The following DNAH14 variants were observed in gnomAD, a reference collection of about 807,000 sequenced individuals.
The protein encoded by DNAH14 is axonemal beta dynein heavy chain 14.
In DNAH14, 478 loss-of-function variants were observed where a neutral mutation model predicts 520.9. The observed-to-expected ratio is 0.92, with a 90% CI of 0.85 to 0.99. DNAH14 has a LOEUF of 0.99. Among genes scored for constraint, DNAH14 ranks in the 50% least tolerant of loss-of-function variants. DNAH14 has a pLI of 0.00. For missense variants in DNAH14, 4,831 were observed against 5,234.5 expected, an observed-to-expected ratio of 0.92 and a Z score of 2.38; for synonymous variants, 1,581 against 1,757.2, an observed-to-expected ratio of 0.90 and a Z score of 2.51.
At chr1:225,130,341 A>G (rs2078255170) in intron 27 of DNAH14, among the ~76,000 whole-genome samples, 1 of 152,134 alleles carries the variant, frequency 6.6e-6, no homozygotes. Context: ...AGGACTATAA[A>G]TCATGCTGCT....
At chr1:225,073,528 C>T (rs2071809015) in intron 17 of DNAH14, among the ~76,000 whole-genome samples, 2 of 152,180 alleles carry the variant, frequency 1.3e-5, no homozygotes, top group Non-Finnish European at 2.9e-5. Flanking sequence ...ACCTCTGCCC[C>T]TGGTCAGCTT....
intron 17 of DNAH14, among the ~76,000 whole-genome samples, chr1:225,062,520 G>A (rs1201591179): frequency 1.3e-5 from 2 of 148,298 alleles, no homozygotes; most frequent in African/African-American, 4.9e-5. Context: ...AATTTTTAGG[G>A]CAGAGTCCTA....
At chr1:225,325,824 T>C (rs978727547) in intron 64 of DNAH14, among the ~76,000 whole-genome samples, 1 of 152,172 alleles carries the variant, frequency 6.6e-6, no homozygotes, top group Non-Finnish European at 1.5e-5. Context: ...TTCTGTCTTT[T>C]CCTGAAAACT....
At chr1:225,172,626 A>G (rs2082833814) in intron 36 of DNAH14, among the ~76,000 whole-genome samples, 1 of 152,218 alleles carries the variant, frequency 6.6e-6, no homozygotes, top group Non-Finnish European at 1.5e-5. Flanking sequence ...ATACAAACAA[A>G]TGGAAGAACA....
At chr1:224,945,159 G>T (rs765554529) in intron 1 of DNAH14, among the ~76,000 whole-genome samples, 2 of 152,080 alleles carry the variant, frequency 1.3e-5, no homozygotes, top group Non-Finnish European at 1.5e-5. Flanking sequence ...TCTTTTCACA[G>T]AGTCCCATAT....
intron 1 of DNAH14, among the ~76,000 whole-genome samples, chr1:224,940,459 C>A (rs1325906985): frequency 6.6e-6 from 1 of 152,058 alleles, no homozygotes; most frequent in Non-Finnish European, 1.5e-5. Flanking sequence ...AAATATCTCA[C>A]AGTATGCAGC....
At chr1:225,064,669 C>A (rs2070627949) in intron 17 of DNAH14, among the ~76,000 whole-genome samples, 1 of 151,612 alleles carries the variant, frequency 6.6e-6, no homozygotes, top group Non-Finnish European at 1.5e-5. Flanking sequence ...CAAAGGAGTA[C>A]CTACTATGTG....
At chr1:224,998,849 A>G (rs1268756525) in intron 8 of DNAH14, among the ~76,000 whole-genome samples, 1 of 152,160 alleles carries the variant, frequency 6.6e-6, no homozygotes, top group Middle Eastern at 3.2e-3. Flanking sequence ...GTTGTTGAGA[A>G]AGTGCTGAAG....
intron 36 of DNAH14, 46 bp downstream of exon 36, chr1:225,168,074 T>C (rs1378048866): frequency 5.4e-6 from 6 of 1,101,118 alleles, no homozygotes; most frequent in Non-Finnish European, 7.9e-6. Context: ...TGTATTTCAA[T>C]AGGAATTAAT....
In DNAH14 at chr1:225,256,350, G is replaced by A. The variant is rs193227662; in HGVS notation, c.6866-1610G>A. On this transcript the variant is annotated intron_variant, in intron 44 of 85. Coordinates refer to ENST00000682510, the MANE Select transcript of DNAH14 (RefSeq NM_001367479.1). ...TTACCACAGTGGCGGCTGGAGTAGG[G>A]TAGAAAACCGGAAGTAAACATTGCA... Among the ~76,000 whole-genome samples the A allele has an allele frequency of 1.2e-4, 18 of 152,282 alleles. No individual in the cohort carries two copies. The South Asian group carries it at 3.1e-3, about 26-fold the overall frequency.
At chr1:225,335,276 T>C (rs59360310) in intron 66 of DNAH14, among the ~76,000 whole-genome samples, 7,064 of 91,246 alleles carry the variant, frequency 0.077, 840 homozygotes, top group African/African-American at 0.11. Flanking sequence ...ACGTGTACAT[T>C]GTGTGTATAT....
intron 37 of DNAH14, among the ~76,000 whole-genome samples, chr1:225,190,374 G>T (rs907358492): frequency 6.6e-6 from 1 of 151,962 alleles, no homozygotes; most frequent in Non-Finnish European, 1.5e-5. Flanking sequence ...TGACTGATTA[G>T]CAGGTAGATT....
chr1:224,952,803 G>T, intron 2 of DNAH14, 24 bp downstream of exon 2: 1 of 1,535,002 alleles, frequency 6.5e-7, no homozygotes, highest in South Asian at 1.2e-5. Context: ...AAAATATAAT[G>T]AGTTTTTTTC....
At chr1:224,946,696 C>T (rs1367991125) in intron 1 of DNAH14, among the ~76,000 whole-genome samples, 1 of 152,132 alleles carries the variant, frequency 6.6e-6, no homozygotes, top group East Asian at 1.9e-4. Context: ...TATTCACTAT[C>T]TCTAGATCAG....
chr1:225,147,678 T>G (rs1033881719), intron 31 of DNAH14, among the ~76,000 whole-genome samples: 1 of 152,230 alleles, frequency 6.6e-6, no homozygotes, highest in Non-Finnish European at 1.5e-5. Context: ...ATGTGCAGAT[T>G]TGTTATATAG....
At chr1:225,325,839 T>G (rs1289122185) in intron 64 of DNAH14, among the ~76,000 whole-genome samples, 1 of 152,164 alleles carries the variant, frequency 6.6e-6, no homozygotes, top group Admixed American at 6.5e-5. Context: ...AAAACTCAGA[T>G]AGCTGGCAAC....
At chr1:224,973,186 G>C (rs1467635554) in intron 7 of DNAH14, among the ~76,000 whole-genome samples, 1 of 152,216 alleles carries the variant, frequency 6.6e-6, no homozygotes, top group East Asian at 1.9e-4. Flanking sequence ...AGGATATCAT[G>C]GGATGCTCTT....
intron 37 of DNAH14, among the ~76,000 whole-genome samples, chr1:225,191,027 C>G (rs1352414961): frequency 6.6e-6 from 1 of 151,678 alleles, no homozygotes; most frequent in Non-Finnish European, 1.5e-5. Context: ...ATATTGTGTA[C>G]CCATTAATAT....
At chr1:225,019,594 A>G (rs898224744) in intron 10 of DNAH14, among the ~76,000 whole-genome samples, 2 of 152,150 alleles carry the variant, frequency 1.3e-5, no homozygotes, top group Non-Finnish European at 2.9e-5. Flanking sequence ...ACAGAACACT[A>G]TGCCTAACAA....
Sources: gnomAD v4.1 joint callset for allele counts (sites outside exome capture counted in the v4.1 genomes callset) on GRCh38, gnomAD v4.1.1 for gene constraint, MANE v1.5 for transcripts, NCBI Gene and HGNC (gene_info 2026-07-23, HGNC 2026-07-21) for gene names.